The following HCN1 variants were observed in gnomAD, a reference collection of about 807,000 sequenced individuals.
HCN1 encodes hyperpolarization activated cyclic nucleotide gated potassium channel 1.
Under a neutral mutation model 78.9 loss-of-function variants are expected in HCN1, and 13 were observed. That is an observed-to-expected ratio of 0.16 (90% CI 0.11 to 0.26). The LOEUF (loss-of-function observed/expected upper bound fraction) is 0.26, where lower values mean the gene tolerates loss of function less well. Among genes scored for constraint, HCN1 ranks in the 10% least tolerant of loss-of-function variants. HCN1 has a pLI of 1.00. For synonymous variants in HCN1, 552 were observed against 455.5 expected, an observed-to-expected ratio of 1.21 and a Z score of -2.70; for missense variants, 810 against 1,154.3, an observed-to-expected ratio of 0.70 and a Z score of 4.32.
intron 6 of HCN1, among the ~76,000 whole-genome samples, chr5:45,288,576 T>C (rs1034111784): frequency 6.6e-6 from 1 of 152,050 alleles, no homozygotes; most frequent in Non-Finnish European, 1.5e-5. Flanking sequence ...CCTGGCTCTG[T>C]GGATGCTGAG....
intron 2 of HCN1, among the ~76,000 whole-genome samples, chr5:45,640,351 A>T (rs1185144464): frequency 6.6e-6 from 1 of 152,170 alleles, no homozygotes; most frequent in Non-Finnish European, 1.5e-5. Flanking sequence ...ATAACCCTGC[A>T]CTAATATACA....
chr5:45,425,553 A>G (rs1310518612), intron 3 of HCN1, among the ~76,000 whole-genome samples: 1 of 152,220 alleles, frequency 6.6e-6, no homozygotes, highest in Admixed American at 6.5e-5. Context: ...AAGAGAGGGC[A>G]GGAGAAATAA....
At chr5:45,317,888 T>C (rs1746031209) in intron 5 of HCN1, among the ~76,000 whole-genome samples, 1 of 152,126 alleles carries the variant, frequency 6.6e-6, no homozygotes, top group African/African-American at 2.4e-5. Flanking sequence ...CCACTTAGAA[T>C]GGCGATCATT....
intron 3 of HCN1, among the ~76,000 whole-genome samples, chr5:45,397,713 T>C (rs1243751811): frequency 6.6e-6 from 1 of 151,576 alleles, no homozygotes; most frequent in African/African-American, 2.4e-5. Context: ...GTGATAACAG[T>C]GATAAATGAG....
Position 45,377,555 on chromosome 5 carries a change from G to A in HCN1, c.1230+18937C>T, listed in dbSNP as rs193076508. ...GACAGACTGCCTGCTGAAACTAACCGAGAGCAAAGTTAATGACTTTGGTAA... is the reference window on the plus strand; with the variant it reads ...GACAGACTGCCTGCTGAAACTAACCAAGAGCAAAGTTAATGACTTTGGTAA... On this transcript the variant is annotated intron_variant, in intron 4 of 7. Transcript: ENST00000303230. Among the ~76,000 whole-genome samples the A allele has an allele frequency of 3.1e-3, 468 of 151,798 alleles. 1 individual carries two copies. Among genetic ancestry groups the A allele is most frequent in the African/African-American group, 0.011 (441 of 41,438 alleles).
In HCN1 at chr5:45,305,118, G is replaced by T. The variant is rs184830290; in HGVS notation, c.1378-1279C>A. 4.1e-4 allele frequency among the ~76,000 whole-genome samples: 63 copies of T among 152,274 alleles called. No homozygotes were observed. In the East Asian group the frequency reaches 0.012, roughly 28 times the overall value. On this transcript the variant is annotated intron_variant, in intron 5 of 7. Coordinates refer to ENST00000303230, the MANE Select transcript of HCN1 (RefSeq NM_021072.4). ...AAATTGGTCATGTCTGCTAAGAGGT[G>T]AAAAGAAGGCAGAAGGAATCATAGG...
intron 1 of HCN1, among the ~76,000 whole-genome samples, chr5:45,653,495 T>C (rs1009839979): frequency 6.6e-6 from 1 of 152,152 alleles, no homozygotes; most frequent in African/African-American, 2.4e-5. Flanking sequence ...ATCATCTTTA[T>C]ACTTAAATTG....
chr5:45,298,255 C>A (rs937631856), intron 6 of HCN1, among the ~76,000 whole-genome samples: 3 of 151,894 alleles, frequency 2.0e-5, no homozygotes, highest in African/African-American at 4.8e-5. Context: ...GAACTGGTAG[C>A]TTTATAAACA....
intron 2 of HCN1, among the ~76,000 whole-genome samples, chr5:45,530,501 G>A (rs1379351456): frequency 1.3e-5 from 2 of 150,506 alleles, no homozygotes; most frequent in Non-Finnish European, 3.0e-5. Flanking sequence ...TACACAATTA[G>A]TAAGGACTAT....
At chr5:45,317,313 G>A (rs924746434) in intron 5 of HCN1, among the ~76,000 whole-genome samples, 2 of 152,096 alleles carry the variant, frequency 1.3e-5, no homozygotes, top group Non-Finnish European at 2.9e-5. Context: ...ACAAGAATTG[G>A]GGAAAGGATT....
intron 5 of HCN1, among the ~76,000 whole-genome samples, chr5:45,317,247 C>T (rs1006079893): frequency 1.3e-5 from 2 of 152,050 alleles, no homozygotes; most frequent in African/African-American, 4.8e-5. Flanking sequence ...GAACAGAGCC[C>T]TCAGAAATAA....
intron 1 of HCN1, among the ~76,000 whole-genome samples, chr5:45,661,348 A>G (rs1321183449): frequency 6.7e-6 from 1 of 150,120 alleles, no homozygotes; most frequent in Non-Finnish European, 1.5e-5. Flanking sequence ...TACAAGAGAA[A>G]GCAGGAAAGA....
At chr5:45,372,222 T>C (rs1199208513) in intron 4 of HCN1, among the ~76,000 whole-genome samples, 1 of 74,616 alleles carries the variant, frequency 1.3e-5, no homozygotes, top group Admixed American at 2.6e-4. Flanking sequence ...TAATATAATA[T>C]ATATAATATA....
chr5:45,584,486 T>A (rs996337826), intron 2 of HCN1, among the ~76,000 whole-genome samples: 3 of 151,990 alleles, frequency 2.0e-5, no homozygotes, highest in Non-Finnish European at 4.4e-5. Flanking sequence ...TTTATCCAAT[T>A]TGCCAGTCTG....
chr5:45,494,286 T>C (rs1741970583), intron 2 of HCN1, among the ~76,000 whole-genome samples: 1 of 152,110 alleles, frequency 6.6e-6, no homozygotes, highest in Admixed American at 6.6e-5. Context: ...TTTGAATGAT[T>C]GCCATTCTAA....
intron 6 of HCN1, among the ~76,000 whole-genome samples, chr5:45,284,460 G>C (rs1330198418): frequency 6.6e-6 from 1 of 152,066 alleles, no homozygotes. Flanking sequence ...AATATATTTA[G>C]TTAATAGCTA....
At chr5:45,327,969 T>TA (rs1746269068) in intron 5 of HCN1, among the ~76,000 whole-genome samples, 1 of 151,632 alleles carries the variant, frequency 6.6e-6, no homozygotes, top group Admixed American at 6.6e-5. Context: ...ATGGCGTCCC[T>TA]AAAAAACTAA....
intron 2 of HCN1, among the ~76,000 whole-genome samples, chr5:45,620,358 G>T (rs1745034062): frequency 6.6e-6 from 1 of 151,922 alleles, no homozygotes. Flanking sequence ...TAATTTCTTA[G>T]ATTTGAGAAA....
At chr5:45,590,998 A>AT (rs768861091) in intron 2 of HCN1, among the ~76,000 whole-genome samples, 161 of 145,094 alleles carry the variant, frequency 1.1e-3, no homozygotes, top group Middle Eastern at 3.6e-3. Context: ...TGACTGGCTA[A>AT]TTTTTTTTTT....
Sources: gnomAD v4.1 joint callset for allele counts (sites outside exome capture counted in the v4.1 genomes callset) on GRCh38, gnomAD v4.1.1 for gene constraint, MANE v1.5 for transcripts, NCBI Gene and HGNC (gene_info 2026-07-23, HGNC 2026-07-21) for gene names.